ZNF76: variants seen among roughly 807,000 people sequenced by gnomAD.
The protein encoded by ZNF76 is zinc finger protein 76, also known as zinc finger protein 523.
ZNF76 carries 66 observed loss-of-function variants against 66.9 expected under a neutral mutation model. The ratio of observed to expected loss-of-function variants is 0.99; its 90% CI spans 0.81 to 1.21. The LOEUF is 1.21. Ranked by LOEUF, ZNF76 falls within the 50% of genes most tolerant of loss-of-function variation. ZNF76 has a pLI of 0.00. For missense variants in ZNF76, 729 were observed against 760.3 expected, an observed-to-expected ratio of 0.96 and a Z score of 0.48; for synonymous variants, 275 against 296.1, an observed-to-expected ratio of 0.93 and a Z score of 0.73.
intron 1 of ZNF76, among the ~76,000 whole-genome samples, chr6:35,267,606 G>T (rs1786344564): frequency 6.6e-6 from 1 of 152,192 alleles, no homozygotes; most frequent in Non-Finnish European, 1.5e-5. Flanking sequence ...CCTGCCATGT[G>T]GTGGGCACTA....
In ZNF76 at chr6:35,292,449, C is replaced by A; in HGVS notation, c.932-105C>A. ...GAGTCTCAGGTCTCAGTCCCTCTCC[C>A]TCCCTCTGGCTCTCCCTTCACCAAC... On this transcript the variant is annotated intron_variant, in intron 9 of 13. Coordinates refer to ENST00000373953, the MANE Select transcript of ZNF76 (RefSeq NM_003427.5). The surrounding 1 kb of genome is among the most constrained non-coding windows in gnomAD (Gnocchi z 4.7). The A allele has an allele frequency of 2.5e-6, 3 of 1,178,222 alleles. No homozygotes were observed. The highest frequency in any genetic ancestry group is 3.7e-6 in the Non-Finnish European group (3 of 812,378). The allele number at this position is 1,178,222 out of a possible 1,614,324, so 73.0% of individuals were successfully genotyped here.
chr6:35,287,468 T>C lies in ZNF76; in HGVS notation c.233-178T>C, dbSNP rs1012533876. 5.3e-4 allele frequency among the ~76,000 whole-genome samples: 81 copies of C among 152,194 alleles called. No homozygotes were observed. The highest frequency in any genetic ancestry group is 3.3e-3 in the Admixed American group (50 of 15,296). On this transcript the variant is annotated intron_variant, in intron 4 of 13. Transcript: ENST00000373953. The surrounding 1 kb of genome is among the most constrained non-coding windows in gnomAD (Gnocchi z 4.0). ...AGTGTACCATAGGAGACCTCATCCT[T>C]AGGTGAGACAGCTGCAGAAGGAGGG... is the stretch of plus-strand genomic sequence containing the variant.
chr6:35,268,552 C>A (rs187896902), intron 1 of ZNF76, among the ~76,000 whole-genome samples: 12 of 151,972 alleles, frequency 7.9e-5, no homozygotes, highest in Non-Finnish European at 1.6e-4. Context: ...ACCTGTAATC[C>A]GCACTTTGGG....
intron 1 of ZNF76, among the ~76,000 whole-genome samples, chr6:35,261,250 C>T (rs565486603): frequency 6.6e-6 from 1 of 152,282 alleles, no homozygotes; most frequent in African/African-American, 2.4e-5. Flanking sequence ...CTTACTCTGT[C>T]CTGAGTGCTA....
intron 2 of ZNF76, among the ~76,000 whole-genome samples, chr6:35,282,136 A>T (rs913424281): frequency 6.6e-6 from 1 of 152,054 alleles, no homozygotes; most frequent in Non-Finnish European, 1.5e-5. Context: ...TATACCACAT[A>T]CTAGGGACAT....
At chr6:35,294,740 T>C in intron 13 of ZNF76, 171 bp downstream of exon 13, 1 of 672,388 alleles carries the variant, frequency 1.5e-6, no homozygotes, top group Non-Finnish European at 2.7e-6. Context: ...AGGCTCGCTC[T>C]TGGCTGAGGC....
intron 1 of ZNF76, among the ~76,000 whole-genome samples, chr6:35,271,677 A>G (rs914090468): frequency 2.0e-5 from 3 of 150,966 alleles, no homozygotes; most frequent in Non-Finnish European, 4.4e-5. Context: ...CTCAAAAAAA[A>G]AAAAAAAGAA....
chr6:35,294,041 G>T, intron 12 of ZNF76, 126 bp downstream of exon 12: 1 of 1,187,744 alleles, frequency 8.4e-7, no homozygotes, highest in Non-Finnish European at 1.2e-6. Context: ...AAAAGAAGGG[G>T]TCTTCCCCAC....
At chr6:35,270,016 A>G (rs2150344509) in intron 1 of ZNF76, among the ~76,000 whole-genome samples, 1 of 152,356 alleles carries the variant, frequency 6.6e-6, no homozygotes, top group South Asian at 2.1e-4. Flanking sequence ...TCCATTCCTC[A>G]TGTATGGAGA....
At chr6:35,264,811 A>G (rs1785758759) in intron 1 of ZNF76, among the ~76,000 whole-genome samples, 1 of 152,046 alleles carries the variant, frequency 6.6e-6, no homozygotes, top group Admixed American at 6.6e-5. Context: ...GTGGCCTGGG[A>G]ATTGTAACAT....
At chr6:35,278,894 C>A (rs1459931100) in intron 1 of ZNF76, among the ~76,000 whole-genome samples, 1 of 152,200 alleles carries the variant, frequency 6.6e-6, no homozygotes. Flanking sequence ...GCTGGAGAAA[C>A]CACTGTGACG....
Position 35,292,773 on chromosome 6 carries a change from A to G in ZNF76, c.1151A>G (p.Gln384Arg). 6.2e-7 allele frequency: 1 copy of G among 1,614,054 alleles called. No individual in the cohort carries two copies. The highest frequency in any genetic ancestry group is 8.5e-7 in the Non-Finnish European group (1 of 1,179,968). The change falls in exon 10 of 14, where the codon CAG becomes CGG. Residue 384 changes from glutamine (Q) to arginine (R), a missense_variant. By Grantham distance (43) the Gln-to-Arg change is conservative. Coordinates refer to ENST00000373953, the MANE Select transcript of ZNF76 (RefSeq NM_003427.5). The surrounding 1 kb of genome is among the most constrained non-coding windows in gnomAD (Gnocchi z 4.7). The stretch of plus-strand genomic sequence containing the variant: ...GAGAGCGAGCAGGCCCTCTATGAGC[A>G]GCAGCAACTTGAGGGTAAGGGGAGT... Reference protein sequence around the residue: ...TEESEQALYEQQQLEAASAAE... With the variant: ...TEESEQALYERQQLEAASAAE...
At position 35,290,298 on chromosome 6, in the gene ZNF76, A is replaced by G. The variant is rs1255456518; in HGVS notation, c.465A>G (p.Gly155=). 10 of 1,614,032 alleles carry G rather than the reference A, an allele frequency of 6.2e-6. No individual in the cohort carries two copies. Among genetic ancestry groups the G allele is most frequent in the Admixed American group, 5.0e-5 (3 of 59,998 alleles). ...VLHDSQIPRN[G]KGQQVGDRAF... is the part of the protein sequence containing the mutation. ...ATGACAGCCAGATTCCCCGTAATGG[A>G]AAAGGGCAGCAAGTTGGAGACAGAG... The change falls in exon 6 of 14, where the codon GGA becomes GGG. Residue 155 remains glycine (G), a synonymous_variant. Transcript: ENST00000373953.
chr6:35,283,890 C>G (rs974245008), intron 2 of ZNF76, among the ~76,000 whole-genome samples: 6 of 152,084 alleles, frequency 3.9e-5, no homozygotes, highest in Non-Finnish European at 5.9e-5. Context: ...CCTTACCTGC[C>G]TTTGGTTAGT....
chr6:35,286,269 A>T (rs1789550185), intron 3 of ZNF76, 53 bp from the exon 4 acceptor site: 1 of 1,612,730 alleles, frequency 6.2e-7, no homozygotes, highest in Admixed American at 1.7e-5. Context: ...CCACCAAGGG[A>T]CCCCTCCATG....
At chr6:35,269,377 G>A (rs891427063) in intron 1 of ZNF76, among the ~76,000 whole-genome samples, 5 of 151,518 alleles carry the variant, frequency 3.3e-5, no homozygotes, top group African/African-American at 7.3e-5. Context: ...CAGGTCATTC[G>A]GGGTCTCAGG....
At position 35,295,314 on chromosome 6, in the gene ZNF76, C is replaced by A; in HGVS notation, c.*66C>A. The A allele has an allele frequency of 7.2e-7, 1 of 1,386,496 alleles. No individual in the cohort carries two copies. Among genetic ancestry groups the A allele is most frequent in the Non-Finnish European group, 1.0e-6 (1 of 1,004,234 alleles). 85.9% of individuals were successfully genotyped at this position (1,386,496 alleles called of 1,614,324 possible). On this transcript the variant is annotated 3_prime_UTR_variant, in exon 14 of 14. Coordinates refer to ENST00000373953, the MANE Select transcript of ZNF76 (RefSeq NM_003427.5). ...CCATCTGCATGGCCACTCTTGCCCCCAAGGGCCCAGGCTGTGGCTGACACA... is the reference window on the plus strand; with the variant it reads ...CCATCTGCATGGCCACTCTTGCCCCAAAGGGCCCAGGCTGTGGCTGACACA...
intron 2 of ZNF76, among the ~76,000 whole-genome samples, chr6:35,283,017 G>A (rs568287896): frequency 6.6e-6 from 1 of 152,292 alleles, no homozygotes; most frequent in South Asian, 2.1e-4. Context: ...CCATGGGATG[G>A]AAGAACTTAG....
At position 35,293,062 on chromosome 6, in the gene ZNF76, C is replaced by G. The variant is rs764640412; in HGVS notation, c.1329+18C>G. ...CCCAGCAGGTACAGGCCCTGGAGGG[C>G]AGAGGTGCCATACTAGCTGGCACTC... On this transcript the variant is annotated intron_variant, in intron 11 of 13. Transcript: ENST00000373953. The G allele has an allele frequency of 3.1e-6, 5 of 1,612,108 alleles. No individual in the cohort carries two copies. Among genetic ancestry groups the G allele is most frequent in the Non-Finnish European group, 4.2e-6 (5 of 1,179,062 alleles).
Sources: allele counts gnomAD v4.1 joint callset (sites outside exome capture counted in the v4.1 genomes callset), GRCh38; gene constraint gnomAD v4.1.1; non-coding constraint Gnocchi (gnomAD v3.1); transcripts MANE v1.5; gene names NCBI Gene and HGNC (gene_info 2026-07-23, HGNC 2026-07-21).